The following TESK2 variants were observed in gnomAD, a reference collection of about 807,000 sequenced individuals.
TESK2 encodes the protein dual specificity testis-specific protein kinase 2.
TESK2 carries 39 observed loss-of-function variants against 57.1 expected under a neutral mutation model. That is an observed-to-expected ratio of 0.68 (90% CI 0.53 to 0.89). TESK2 has a LOEUF of 0.89. Ranked by LOEUF, TESK2 falls within the 40% of genes least tolerant of loss-of-function variation. The pLI is 0.00. For synonymous variants in TESK2, 249 were observed against 267.9 expected (o/e 0.93, Z 0.69); for missense variants, 646 against 732.1 (o/e 0.88, Z 1.36).
intron 2 of TESK2, among the ~76,000 whole-genome samples, chr1:45,422,927 G>A (rs569088660): frequency 2.3e-4 from 34 of 149,672 alleles, no homozygotes; most frequent in Middle Eastern, 3.6e-3. Flanking sequence ...CTGCCACCGC[G>A]CCCAGCTAAT....
Position 45,346,966 on chromosome 1 carries a change from G to A in TESK2, c.792+13C>T. 1.2e-6 allele frequency: 2 copies of A among 1,613,738 alleles called. No homozygotes were observed. The highest frequency in any genetic ancestry group is 8.5e-7 in the Non-Finnish European group (1 of 1,179,608). ...CCCCATCAGTGGCAATGATCCCCATGCTTGCAGCTCACCTCTGTGCGGGGA... is the reference window on the plus strand; with the variant it reads ...CCCCATCAGTGGCAATGATCCCCATACTTGCAGCTCACCTCTGTGCGGGGA... On this transcript the variant is annotated intron_variant, in intron 8 of 10. Coordinates refer to ENST00000372086, the MANE Select transcript of TESK2 (RefSeq NM_007170.3).
chr1:45,427,060 T>G (rs1188737239), intron 2 of TESK2, among the ~76,000 whole-genome samples: 1 of 151,940 alleles, frequency 6.6e-6, no homozygotes, highest in Non-Finnish European at 1.5e-5. Flanking sequence ...CTGGCCAACA[T>G]GGTAAAACCC....
intron 3 of TESK2, among the ~76,000 whole-genome samples, chr1:45,409,168 T>C (rs1649949733): frequency 6.6e-6 from 1 of 152,202 alleles, no homozygotes; most frequent in African/African-American, 2.4e-5. Context: ...CTCAGAGAGC[T>C]CATTCAATAC....
chr1:45,379,600 C>T (rs1169500047), intron 4 of TESK2, among the ~76,000 whole-genome samples: 2 of 152,082 alleles, frequency 1.3e-5, no homozygotes, highest in Non-Finnish European at 2.9e-5. Flanking sequence ...CATATCAACC[C>T]GCATAAACAA....
At chr1:45,347,886 C>T (rs1311282797) in intron 6 of TESK2, 32 bp downstream of exon 6, 1 of 1,580,700 alleles carries the variant, frequency 6.3e-7, no homozygotes, top group Non-Finnish European at 8.7e-7. Context: ...CCCCCTGTCC[C>T]TTGGACCCCA....
intron 2 of TESK2, among the ~76,000 whole-genome samples, chr1:45,424,636 C>G (rs764291208): frequency 6.6e-6 from 1 of 152,166 alleles, no homozygotes; most frequent in Non-Finnish European, 1.5e-5. Context: ...CTGAAAGTCA[C>G]TCTTCTTATT....
chr1:45,344,840 T>C lies in TESK2; in HGVS notation c.1716A>G (p.Ter572TrpextTer15). The change falls in exon 11 of 11, where the codon TGA (stop) becomes TGG (tryptophan). Residue 572 changes from the stop codon to tryptophan (W), a stop_lost. Transcript: ENST00000372086. ...AAGGTGAGGCAGGGACTAAACCCCC[T>C]CACCCATCCTGCTTTCCCTGGGTTT... ...GLQTQGKQDG[*>W] is the part of the protein sequence containing the mutation. The C allele has an allele frequency of 6.2e-7, 1 of 1,611,318 alleles. No individual in the cohort carries two copies. The highest frequency in any genetic ancestry group is 2.2e-5 in the East Asian group (1 of 44,884).
intron 4 of TESK2, among the ~76,000 whole-genome samples, chr1:45,357,823 T>C (rs1220208669): frequency 1.3e-5 from 2 of 149,316 alleles, no homozygotes; most frequent in African/African-American, 5.0e-5. Flanking sequence ...CTGACCAACA[T>C]GGAGAAACCC....
chr1:45,483,800 C>A (rs1190124977), intron 1 of TESK2, among the ~76,000 whole-genome samples: 1 of 150,580 alleles, frequency 6.6e-6, no homozygotes, highest in Non-Finnish European at 1.5e-5. Context: ...GAGTTTGAGA[C>A]CAGCCTAGGC....
intron 3 of TESK2, among the ~76,000 whole-genome samples, chr1:45,412,376 T>A (rs1650067989): frequency 6.6e-6 from 1 of 152,238 alleles, no homozygotes; most frequent in South Asian, 2.1e-4. Context: ...AAGCAAGGAA[T>A]ACATGATAAC....
At position 45,344,694 on chromosome 1, in the gene TESK2, G is replaced by C; in HGVS notation, c.*146C>G. On this transcript the variant is annotated 3_prime_UTR_variant, in exon 11 of 11. Coordinates refer to ENST00000372086, the MANE Select transcript of TESK2 (RefSeq NM_007170.3). Reference sequence around the variant, plus strand: ...TGCCTCCCGTCATACACAGCCAATGGGCACTGGGAGCCCAGAAGTTGAGCC... The same window carrying C: ...TGCCTCCCGTCATACACAGCCAATGCGCACTGGGAGCCCAGAAGTTGAGCC... 1 of 714,524 alleles carries C rather than the reference G, an allele frequency of 1.4e-6. No homozygotes were observed. Among genetic ancestry groups the C allele is most frequent in the Non-Finnish European group, 2.3e-6 (1 of 430,638 alleles). The allele number at this position is 714,524 out of a possible 1,614,324, so 44.3% of individuals were successfully genotyped here. A position where few individuals can be genotyped will look rare whatever the true frequency, so the allele number is the denominator to read the frequency against.
intron 9 of TESK2, 105 bp downstream of exon 9, chr1:45,346,588 T>G: frequency 1.1e-6 from 1 of 906,712 alleles, no homozygotes; most frequent in South Asian, 1.5e-5. Context: ...ACAGTGAAAA[T>G]GAGGTCCCTC....
chr1:45,424,778 A>G (rs1021951594), intron 2 of TESK2, among the ~76,000 whole-genome samples: 4 of 152,242 alleles, frequency 2.6e-5, no homozygotes, highest in Non-Finnish European at 4.4e-5. Context: ...AAATCAATCA[A>G]TGTGATACAT....
intron 1 of TESK2, among the ~76,000 whole-genome samples, chr1:45,469,074 T>C (rs185889023): frequency 8.0e-4 from 122 of 152,326 alleles, no homozygotes; most frequent in Non-Finnish European, 1.3e-3. Context: ...TTTTTTCAAA[T>C]ATTAATTTCA....
chr1:45,467,375 C>T (rs1570759615), intron 1 of TESK2, among the ~76,000 whole-genome samples: 2 of 151,588 alleles, frequency 1.3e-5, no homozygotes, highest in African/African-American at 4.8e-5. Context: ...GATGCAGTCT[C>T]GCTCTGTCAC....
intron 3 of TESK2, among the ~76,000 whole-genome samples, chr1:45,395,599 CTTTT>C (rs1649323110): frequency 6.7e-6 from 1 of 150,252 alleles, no homozygotes; most frequent in African/African-American, 2.5e-5. Flanking sequence ...CCTTTCTTTT[CTTTT>C]CTTTTCTTTT....
intron 5 of TESK2, among the ~76,000 whole-genome samples, chr1:45,349,405 CTT>C (rs1268235454): frequency 6.6e-6 from 1 of 152,212 alleles, no homozygotes; most frequent in Non-Finnish European, 1.5e-5. Flanking sequence ...AGCTCCCTGA[CTT>C]TGACTGTCTG....
At position 45,477,954 on chromosome 1, in the gene TESK2, CAATT is replaced by C. The variant is rs376268065; in HGVS notation, c.-87+12894_-87+12897del. On this transcript the variant is annotated intron_variant, in intron 1 of 10. Coordinates refer to ENST00000372086, the MANE Select transcript of TESK2 (RefSeq NM_007170.3). ...CTGACTATACTACTTACTTGGCACT[CAATT>C]AATGTCTTTTTGGTCTTCCTAGCTC... Among the ~76,000 whole-genome samples, 85 of 152,308 alleles carry C rather than the reference CAATT, an allele frequency of 5.6e-4. No individual in the cohort carries two copies. The East Asian group carries it at 0.013, about 23-fold the overall frequency.
At chr1:45,391,042 C>A (rs1425271482) in intron 3 of TESK2, among the ~76,000 whole-genome samples, 14 of 151,618 alleles carry the variant, frequency 9.2e-5, no homozygotes, top group Non-Finnish European at 2.9e-5. Flanking sequence ...CCCAGCCTCC[C>A]GAGTAGCTGG....
Sources: allele counts gnomAD v4.1 joint callset (sites outside exome capture counted in the v4.1 genomes callset), GRCh38; gene constraint gnomAD v4.1.1; transcripts MANE v1.5; gene names NCBI Gene and HGNC (gene_info 2026-07-23, HGNC 2026-07-21).